MME: variants seen among roughly 807,000 people sequenced by gnomAD.
MME encodes neprilysin.
A neutral mutation model predicts 113.2 loss-of-function variants in MME; 98 were observed. The ratio of observed to expected loss-of-function variants is 0.87; its 90% CI spans 0.74 to 1.02. The LOEUF is 1.02. Ranked by LOEUF, MME falls within the 50% of genes least tolerant of loss-of-function variation. The pLI, the probability that MME is intolerant of heterozygous loss-of-function variation, is 0.00. For missense variants in MME, 836 were observed against 896.0 expected (o/e 0.93, Z 0.86); for synonymous variants, 292 against 300.6 (o/e 0.97, Z 0.30).
In MME at chr3:155,181,742, C is replaced by CT. The variant is rs922774479; in HGVS notation, c.*1284dup. ...GATAGGAATTCATCTTTTGAGGCTT[C>CT]TGTTCCTCTCTTTTCCTGTTGTATT... On this transcript the variant is annotated 3_prime_UTR_variant, in exon 23 of 23. Coordinates refer to ENST00000360490, the MANE Select transcript of MME (RefSeq NM_007289.4). 12 of 152,180 alleles carry CT rather than the reference C, an allele frequency of 7.9e-5. No homozygotes were observed. Among genetic ancestry groups the CT allele is most frequent in the African/African-American group, 2.9e-4 (12 of 41,540 alleles). The allele number at this position is 152,180 out of a possible 1,614,324, so 9.4% of individuals were successfully genotyped here. A position where few individuals can be genotyped will look rare whatever the true frequency, so the allele number is the denominator to read the frequency against.
intron 3 of MME, among the ~76,000 whole-genome samples, chr3:155,094,208 T>G (rs1370666943): frequency 1.3e-5 from 2 of 152,246 alleles, no homozygotes; most frequent in Admixed American, 6.5e-5. Context: ...CTTTTTCCAC[T>G]AAGCCAACTT....
chr3:155,063,224 G>GTA lies in MME; in HGVS notation c.-10-20930_-10-20929dup, dbSNP rs891119015. 7.5e-5 allele frequency among the ~76,000 whole-genome samples: 8 copies of GTA among 106,722 alleles called. No individual in the cohort carries two copies. In the Admixed American group the frequency reaches 8.7e-4, roughly 12 times the overall value. The allele number at this position is 106,722 out of a possible 152,430, so 70.0% of individuals were successfully genotyped here. ...ATATATTATATAATAATATACATAT[G>GTA]TATATTATTATATATTATATAATAA... On this transcript the variant is annotated intron_variant, in intron 1 of 22. Coordinates refer to the MME transcript ENST00000492661.
chr3:155,087,004 TG>T lies in MME; in HGVS notation c.196+1911del, dbSNP rs1183845072. Among the ~76,000 whole-genome samples the T allele has an allele frequency of 4.1e-4, 45 of 110,962 alleles. 1 individual carries two copies. The highest frequency in any genetic ancestry group is 8.8e-4 in the East Asian group (4 of 4,538). 72.8% of individuals were successfully genotyped at this position (110,962 alleles called of 152,430 possible). ...GTTTTTTGTTTTTTTTGTTTTTTTT[TG>T]TTTTTTTTTTTTGTAGAGACAGGGT... On this transcript the variant is annotated intron_variant, in intron 3 of 22. Coordinates refer to ENST00000360490, the MANE Select transcript of MME (RefSeq NM_007289.4).
intron 4 of MME, among the ~76,000 whole-genome samples, 152 bp from the exon 5 acceptor site, chr3:155,116,326 TG>T (rs1198604501): frequency 6.6e-6 from 1 of 152,092 alleles, no homozygotes; most frequent in Non-Finnish European, 1.5e-5. Context: ...GTTTTGGAAC[TG>T]GGGGGAGGAA....
At chr3:155,095,768 C>T (rs1165627249) in intron 3 of MME, among the ~76,000 whole-genome samples, 1 of 152,072 alleles carries the variant, frequency 6.6e-6, no homozygotes, top group Non-Finnish European at 1.5e-5. Flanking sequence ...ATACCCCCTG[C>T]CGTCAGGAAA....
intron 8 of MME, among the ~76,000 whole-genome samples, chr3:155,127,574 G>A (rs534744559): frequency 6.6e-6 from 1 of 152,330 alleles, no homozygotes; most frequent in African/African-American, 2.4e-5. Flanking sequence ...GGTTGGCAGA[G>A]AGGAAGGTCG....
At chr3:155,104,229 A>G (rs1442227831) in intron 3 of MME, among the ~76,000 whole-genome samples, 1 of 152,194 alleles carries the variant, frequency 6.6e-6, no homozygotes, top group Admixed American at 6.5e-5. Flanking sequence ...TTGAAATTAA[A>G]TGAAAAGTTT....
At chr3:155,131,322 T>C (rs889899384) in intron 8 of MME, among the ~76,000 whole-genome samples, 4 of 152,186 alleles carry the variant, frequency 2.6e-5, no homozygotes, top group African/African-American at 9.7e-5. Context: ...TCGGCCAATA[T>C]GTGCCTCAGT....
intron 3 of MME, among the ~76,000 whole-genome samples, chr3:155,098,848 T>G (rs1716969660): frequency 6.6e-6 from 1 of 152,066 alleles, no homozygotes; most frequent in South Asian, 2.1e-4. Context: ...TAGCAGAGGT[T>G]GTCCACAGGG....
At chr3:155,147,584 T>C (rs1721616137) in intron 15 of MME, among the ~76,000 whole-genome samples, 1 of 152,180 alleles carries the variant, frequency 6.6e-6, no homozygotes, top group South Asian at 2.1e-4. Flanking sequence ...CTTCTAAGTT[T>C]TCCTCTACTG....
chr3:155,152,154 A>G (rs1174206591), intron 16 of MME, among the ~76,000 whole-genome samples: 2 of 152,114 alleles, frequency 1.3e-5, no homozygotes, highest in East Asian at 3.9e-4. Flanking sequence ...AGCTCCAACC[A>G]TATGAATTAC....
intron 1 of MME, among the ~76,000 whole-genome samples, chr3:155,066,784 A>G (rs901814501): frequency 6.6e-6 from 1 of 152,214 alleles, no homozygotes; most frequent in Admixed American, 6.5e-5. Flanking sequence ...AAAGCCTGAG[A>G]CTAAGGACTG....
At chr3:155,039,678 T>C (rs901710444) in intron 1 of MME, among the ~76,000 whole-genome samples, 13 of 152,118 alleles carry the variant, frequency 8.5e-5, no homozygotes, top group African/African-American at 3.1e-4. Context: ...AGAGAATTCC[T>C]GGATTTTAGA....
At chr3:155,090,471 A>G (rs1317856398) in intron 3 of MME, 1 of 152,186 alleles carries the variant, frequency 6.6e-6, no homozygotes, top group Non-Finnish European at 1.5e-5. Flanking sequence ...AAAGATTAAT[A>G]ACAATAATTA....
chr3:155,154,520 C>T (rs1427462946), intron 16 of MME, among the ~76,000 whole-genome samples: 1 of 152,130 alleles, frequency 6.6e-6, no homozygotes. Context: ...CACTAAAATT[C>T]TGTGGACCTT....
At chr3:155,071,302 A>G (rs922800003) in intron 1 of MME, among the ~76,000 whole-genome samples, 4 of 152,226 alleles carry the variant, frequency 2.6e-5, no homozygotes, top group African/African-American at 9.6e-5. Context: ...TAGCACGTGC[A>G]GCATGTTAGG....
intron 1 of MME, chr3:155,081,956 G>A (rs1205183933): frequency 1.3e-5 from 2 of 152,204 alleles, no homozygotes; most frequent in Non-Finnish European, 2.9e-5. Context: ...GTGATTCAAA[G>A]ATTATATTGT....
intron 3 of MME, among the ~76,000 whole-genome samples, chr3:155,098,511 G>A (rs376852313): frequency 2.6e-4 from 40 of 151,658 alleles, no homozygotes; most frequent in African/African-American, 8.2e-4. Context: ...AGCCAAGATC[G>A]CACCACTGCA....
At chr3:155,131,744 G>A (rs542206403) in intron 8 of MME, among the ~76,000 whole-genome samples, 23 of 152,240 alleles carry the variant, frequency 1.5e-4, no homozygotes, top group African/African-American at 5.5e-4. Flanking sequence ...CTGCTCCACT[G>A]GGGGCTATTT....
Sources: allele counts gnomAD v4.1 joint callset (sites outside exome capture counted in the v4.1 genomes callset), GRCh38; gene constraint gnomAD v4.1.1; transcripts MANE v1.5; gene names NCBI Gene and HGNC (gene_info 2026-07-23, HGNC 2026-07-21).